MYO16: variants seen among roughly 807,000 people sequenced by gnomAD.
MYO16 encodes the protein unconventional myosin-XVI.
Under a neutral mutation model 205.3 loss-of-function variants are expected in MYO16, and 94 were observed. The ratio of observed to expected loss-of-function variants is 0.46; its 90% CI spans 0.39 to 0.54. The LOEUF is 0.54. Ranked by LOEUF, MYO16 falls within the 20% of genes least tolerant of loss-of-function variation. The pLI is 0.00. For missense variants in MYO16, 2,315 were observed against 2,387.5 expected (o/e 0.97, Z 0.63); for synonymous variants, 988 against 954.0 (o/e 1.04, Z -0.66).
intron 27 of MYO16, among the ~76,000 whole-genome samples, chr13:109,067,316 G>A (rs561918264): frequency 6.6e-6 from 1 of 152,154 alleles, no homozygotes; most frequent in Non-Finnish European, 1.5e-5. Flanking sequence ...TGGGCACTGC[G>A]CTAAGCCCTT....
chr13:108,979,456 G>A (rs1884382269), intron 20 of MYO16, among the ~76,000 whole-genome samples: 1 of 151,950 alleles, frequency 6.6e-6, no homozygotes, highest in African/African-American at 2.4e-5. Context: ...AAATAAATTT[G>A]ACACACCATG....
intron 4 of MYO16, among the ~76,000 whole-genome samples, chr13:108,783,267 T>C (rs539490124): frequency 6.6e-6 from 1 of 152,284 alleles, no homozygotes; most frequent in South Asian, 2.1e-4. Context: ...AAGGAGATCA[T>C]TTTGGAGCTT....
the MYO16 span, among the ~76,000 whole-genome samples, chr13:108,507,050 T>A: frequency 6.6e-6 from 1 of 152,154 alleles, no homozygotes. Context: ...GGTCATGGTG[T>A]ATGACCTAAT....
At chr13:108,901,757 G>T (rs1232908734) in intron 15 of MYO16, among the ~76,000 whole-genome samples, 1 of 152,098 alleles carries the variant, frequency 6.6e-6, no homozygotes, top group African/African-American at 2.4e-5. Flanking sequence ...CTGGCCAAAT[G>T]ATTTGGTGAT....
chr13:108,634,566 G>A (rs1880139232), intron 1 of MYO16, among the ~76,000 whole-genome samples: 1 of 152,066 alleles, frequency 6.6e-6, no homozygotes, highest in Non-Finnish European at 1.5e-5. Context: ...CATGCCCGTG[G>A]CCTTCGACCC....
chr13:108,592,266 T>G, upstream of MYO16, among the ~76,000 whole-genome samples: 3 of 47,822 alleles, frequency 6.3e-5, no homozygotes, highest in Non-Finnish European at 1.1e-4. Flanking sequence ...GTGAGGTACG[T>G]GTGGGTGTGT....
intron 1 of MYO16, among the ~76,000 whole-genome samples, chr13:108,632,692 G>A (rs190229220): frequency 1.3e-5 from 2 of 152,252 alleles, no homozygotes; most frequent in Admixed American, 1.3e-4. Context: ...GGAAAGTGTA[G>A]GAACACCACA....
At chr13:108,727,767 A>C (rs1884391934) in intron 4 of MYO16, among the ~76,000 whole-genome samples, 184 bp downstream of exon 4, 1 of 152,244 alleles carries the variant, frequency 6.6e-6, no homozygotes, top group Admixed American at 6.5e-5. Flanking sequence ...AGTTTATAAA[A>C]CAATTTGTGC....
chr13:109,005,763 G>C (rs1280528822), intron 21 of MYO16, among the ~76,000 whole-genome samples: 1 of 152,034 alleles, frequency 6.6e-6, no homozygotes. Context: ...AGTCCACCCA[G>C]TCCCACGCCA....
chr13:108,825,469 A>G (rs562720783), intron 9 of MYO16, among the ~76,000 whole-genome samples: 4 of 152,122 alleles, frequency 2.6e-5, no homozygotes, highest in East Asian at 1.9e-4. Context: ...GTCATACTCA[A>G]TGGTGACTGA....
chr13:108,610,264 C>G (rs181396170), intron 1 of MYO16, among the ~76,000 whole-genome samples: 9 of 152,214 alleles, frequency 5.9e-5, no homozygotes, highest in Admixed American at 3.3e-4. Context: ...CACACATAGT[C>G]AGAATGTACT....
At chr13:108,787,173 A>C (rs549542121) in intron 5 of MYO16, among the ~76,000 whole-genome samples, 1 of 152,322 alleles carries the variant, frequency 6.6e-6, no homozygotes, top group East Asian at 1.9e-4. Flanking sequence ...ACAGTAAATA[A>C]AGAGTGTGGG....
At chr13:108,694,721 G>T (rs1045738705) in intron 2 of MYO16, among the ~76,000 whole-genome samples, 3 of 152,068 alleles carry the variant, frequency 2.0e-5, no homozygotes, top group South Asian at 2.1e-4. Context: ...TTTTGATGAA[G>T]TCCAATTTAT....
At chr13:108,831,072 G>T (rs1035907062) in intron 9 of MYO16, among the ~76,000 whole-genome samples, 1 of 151,996 alleles carries the variant, frequency 6.6e-6, no homozygotes, top group Non-Finnish European at 1.5e-5. Context: ...AGTGATCTCG[G>T]GGCAGTTTTA....
the MYO16 span, among the ~76,000 whole-genome samples, chr13:108,500,375 G>A: frequency 1.3e-5 from 2 of 151,236 alleles, no homozygotes; most frequent in Non-Finnish European, 2.9e-5. Context: ...GATTACAGGC[G>A]CCTGCCACCA....
At chr13:108,807,408 C>G (rs1887149117) in intron 7 of MYO16, among the ~76,000 whole-genome samples, 1 of 151,138 alleles carries the variant, frequency 6.6e-6, no homozygotes, top group South Asian at 2.1e-4. Flanking sequence ...GAAGTTCTTT[C>G]AAACAAACAA....
Position 109,052,495 on chromosome 13 carries a change from T to C in MYO16, c.3048+20T>C, listed in dbSNP as rs747616609. 2 of 1,529,632 alleles carry C rather than the reference T, an allele frequency of 1.3e-6. No homozygotes were observed. Among genetic ancestry groups the C allele is most frequent in the Non-Finnish European group, 1.8e-6 (2 of 1,124,624 alleles). The allele number at this position is 1,529,632 out of a possible 1,614,324, so 94.8% of individuals were successfully genotyped here. The stretch of plus-strand genomic sequence containing the variant: ...AGTAAGGTAGGAGTTTTTATGATTA[T>C]TGTTGGATTATTTTTAATTTTGATA... On this transcript the variant is annotated intron_variant, in intron 25 of 34. Transcript: ENST00000457511.
chr13:109,046,087 T>C (rs1887036382), intron 23 of MYO16, among the ~76,000 whole-genome samples: 1 of 151,580 alleles, frequency 6.6e-6, no homozygotes, highest in Admixed American at 6.6e-5. Context: ...CTCACCCCCT[T>C]TCTTGGTTGT....
chr13:108,518,281 G>A, the MYO16 span, among the ~76,000 whole-genome samples: 1,561 of 152,214 alleles, frequency 0.01, 86 homozygotes, highest in Admixed American at 0.082. Context: ...TTGCATTAAG[G>A]CATCCTTAAT....
Sources: gnomAD v4.1 joint callset for allele counts (sites outside exome capture counted in the v4.1 genomes callset) on GRCh38, gnomAD v4.1.1 for gene constraint, MANE v1.5 for transcripts, NCBI Gene and HGNC (gene_info 2026-07-23, HGNC 2026-07-21) for gene names.